DIAPH3: variants seen among roughly 807,000 people sequenced by gnomAD.
DIAPH3 encodes the protein diaphanous related formin 3.
In DIAPH3, 117 loss-of-function variants were observed where a neutral mutation model predicts 144.3. That is an observed-to-expected ratio of 0.81 (90% CI 0.70 to 0.95). The LOEUF is 0.95. Ranked by LOEUF, DIAPH3 falls within the 40% of genes least tolerant of loss-of-function variation. DIAPH3 has a pLI of 0.00. For missense variants in DIAPH3, 1,421 were observed against 1,412.7 expected, an observed-to-expected ratio of 1.01 and a Z score of -0.09; for synonymous variants, 519 against 488.9, an observed-to-expected ratio of 1.06 and a Z score of -0.81.
intron 22 of DIAPH3, among the ~76,000 whole-genome samples, chr13:59,860,327 T>C (rs2043504507): frequency 1.3e-5 from 2 of 152,134 alleles, no homozygotes; most frequent in Non-Finnish European, 2.9e-5. Context: ...TAATGACTAG[T>C]AGTCAACAAA....
At chr13:60,100,394 A>G (rs1012464976) in intron 3 of DIAPH3, among the ~76,000 whole-genome samples, 1 of 152,338 alleles carries the variant, frequency 6.6e-6, no homozygotes, top group Non-Finnish European at 1.5e-5. Context: ...TATCAAGCTC[A>G]TAAAAGATAA....
intron 17 of DIAPH3, among the ~76,000 whole-genome samples, chr13:59,957,956 A>G (rs1273806157): frequency 2.0e-5 from 3 of 152,178 alleles, no homozygotes; most frequent in Non-Finnish European, 4.4e-5. Context: ...AATCAAAAAG[A>G]AAAGAAGATT....
Position 60,063,823 on chromosome 13 carries a change from A to G in DIAPH3, c.496-21003T>C, listed in dbSNP as rs138102790. On this transcript the variant is annotated intron_variant, in intron 4 of 27. Coordinates refer to ENST00000400324, the MANE Select transcript of DIAPH3 (RefSeq NM_001042517.2). ...ACGCACCTGTGATCCCAGCTACTCG[A>G]GAGGCTGAGGCAGGATAATCACTTG... Among the ~76,000 whole-genome samples, 1,502 of 151,950 alleles carry G rather than the reference A, an allele frequency of 9.9e-3. 15 individuals are homozygous for G. The highest frequency in any genetic ancestry group is 0.034 in the African/African-American group (1,391 of 41,458).
intron 17 of DIAPH3, among the ~76,000 whole-genome samples, chr13:59,942,020 T>C (rs2048561322): frequency 6.6e-6 from 1 of 152,196 alleles, no homozygotes; most frequent in Non-Finnish European, 1.5e-5. Flanking sequence ...CAAATACTCA[T>C]AATGATTTCT....
At chr13:59,848,103 C>T (rs571116051) in intron 22 of DIAPH3, among the ~76,000 whole-genome samples, 70 of 152,266 alleles carry the variant, frequency 4.6e-4, no homozygotes, top group Non-Finnish European at 7.9e-4. Flanking sequence ...CACTACTCTT[C>T]CCGATCCAAG....
chr13:60,021,043 G>A (rs944970760), intron 5 of DIAPH3: 5 of 152,248 alleles, frequency 3.3e-5, no homozygotes, highest in African/African-American at 1.2e-4. Flanking sequence ...AACCACATAT[G>A]TAATGCCATG....
chr13:59,797,127 G>GA (rs201614589), intron 25 of DIAPH3, among the ~76,000 whole-genome samples: 31 of 149,346 alleles, frequency 2.1e-4, no homozygotes, highest in Middle Eastern at 3.4e-3. Context: ...TTTAGTAAAT[G>GA]AAAAAAAAAC....
At chr13:59,855,804 G>A (rs1028182362) in intron 22 of DIAPH3, among the ~76,000 whole-genome samples, 1 of 151,552 alleles carries the variant, frequency 6.6e-6, no homozygotes, top group African/African-American at 2.4e-5. Context: ...AACTCAGAGT[G>A]TTACTAATGT....
chr13:59,756,334 A>C (rs564100817), intron 27 of DIAPH3, among the ~76,000 whole-genome samples: 3 of 152,260 alleles, frequency 2.0e-5, no homozygotes, highest in South Asian at 4.1e-4. Flanking sequence ...TAAACTTTAA[A>C]AAAGTTATAA....
At chr13:60,126,915 G>A (rs1049852776) in intron 2 of DIAPH3, among the ~76,000 whole-genome samples, 1 of 151,852 alleles carries the variant, frequency 6.6e-6, no homozygotes, top group Non-Finnish European at 1.5e-5. Context: ...TAACATGTTA[G>A]CAAACAAAGG....
chr13:59,971,921 G>A (rs193295325), intron 15 of DIAPH3, among the ~76,000 whole-genome samples: 6 of 152,248 alleles, frequency 3.9e-5, no homozygotes, highest in African/African-American at 1.4e-4. Flanking sequence ...CCTTCCTTGG[G>A]AAAGCCTTAT....
chr13:60,141,239 T>C (rs565451001), intron 1 of DIAPH3, among the ~76,000 whole-genome samples: 26 of 152,268 alleles, frequency 1.7e-4, no homozygotes, highest in African/African-American at 6.3e-4. Flanking sequence ...AATTCCTTAA[T>C]GTAAATAAGG....
chr13:59,885,973 C>T (rs984654720), intron 20 of DIAPH3, among the ~76,000 whole-genome samples: 10 of 152,000 alleles, frequency 6.6e-5, no homozygotes, highest in Non-Finnish European at 1.2e-4. Context: ...ACATTTGTGG[C>T]GGCAACCCTA....
chr13:60,031,041 C>T (rs1053305580), intron 5 of DIAPH3, among the ~76,000 whole-genome samples: 1 of 152,114 alleles, frequency 6.6e-6, no homozygotes, highest in African/African-American at 2.4e-5. Flanking sequence ...AAAGAAATGC[C>T]TGAGGCTTGA....
intron 27 of DIAPH3, among the ~76,000 whole-genome samples, chr13:59,696,695 TACAG>T (rs1314962252): frequency 6.6e-6 from 1 of 152,196 alleles, no homozygotes; most frequent in South Asian, 2.1e-4. Flanking sequence ...TATATACTAG[TACAG>T]ACAAAGAGTT....
At chr13:59,991,312 C>T (rs760692317) in intron 11 of DIAPH3, 38 bp from the exon 12 acceptor site, 2 of 1,329,268 alleles carry the variant, frequency 1.5e-6, no homozygotes, top group Non-Finnish European at 2.2e-6. Context: ...TATTTATACT[C>T]TACACCAAAC....
At chr13:59,863,607 A>G (rs891574373) in intron 21 of DIAPH3, among the ~76,000 whole-genome samples, 6 of 152,164 alleles carry the variant, frequency 3.9e-5, no homozygotes, top group African/African-American at 1.2e-4. Context: ...CTACCCACCT[A>G]GACAGCTTTA....
At chr13:59,963,504 G>A (rs1009931315) in intron 17 of DIAPH3, among the ~76,000 whole-genome samples, 1 of 151,920 alleles carries the variant, frequency 6.6e-6, no homozygotes, top group Admixed American at 6.6e-5. Context: ...CTAGCAAGAA[G>A]TCCTCTGTAT....
chr13:59,897,851 G>C (rs1368253587), intron 20 of DIAPH3, among the ~76,000 whole-genome samples: 1 of 151,590 alleles, frequency 6.6e-6, no homozygotes, highest in Non-Finnish European at 1.5e-5. Flanking sequence ...GAGAATGAAG[G>C]CTGGGCGTGG....
Sources: allele counts gnomAD v4.1 joint callset (sites outside exome capture counted in the v4.1 genomes callset), GRCh38; gene constraint gnomAD v4.1.1; transcripts MANE v1.5; gene names NCBI Gene and HGNC (gene_info 2026-07-23, HGNC 2026-07-21).